CDKAL1: variants seen among roughly 807,000 people sequenced by gnomAD.
CDKAL1 encodes threonylcarbamoyladenosine tRNA methylthiotransferase.
Under a neutral mutation model 68.2 loss-of-function variants are expected in CDKAL1, and 32 were observed. That is an observed-to-expected ratio of 0.47 (90% CI 0.35 to 0.63). The LOEUF is 0.63. Ranked by LOEUF, CDKAL1 falls within the 30% of genes least tolerant of loss-of-function variation. The pLI is 0.00. For missense variants in CDKAL1, 606 were observed against 696.7 expected, an observed-to-expected ratio of 0.87 and a Z score of 1.47; for synonymous variants, 234 against 244.3, an observed-to-expected ratio of 0.96 and a Z score of 0.39.
At chr6:20,758,032 G>A (rs1455571874) in intron 6 of CDKAL1, among the ~76,000 whole-genome samples, 1 of 152,036 alleles carries the variant, frequency 6.6e-6, no homozygotes, top group African/African-American at 2.4e-5. Flanking sequence ...TTTCCTCTGT[G>A]TTCCCATGGC....
rs968575060 is a variant in CDKAL1, at chr6:20,563,945, C to T, written c.286+15240C>T. On this transcript the variant is annotated intron_variant, in intron 4 of 15. Transcript: ENST00000274695. ...ATGAATTAATGTTGGAATGTAAAAACGAGCAATTTTAAGCCAGCGATGGCT... is the reference window on the plus strand; with the variant it reads ...ATGAATTAATGTTGGAATGTAAAAATGAGCAATTTTAAGCCAGCGATGGCT... 5.9e-5 allele frequency among the ~76,000 whole-genome samples: 9 copies of T among 152,058 alleles called. No individual in the cohort carries two copies. The South Asian group carries it at 6.2e-4, about 10-fold the overall frequency.
At chr6:20,986,996 G>A (rs937760591) in intron 10 of CDKAL1, among the ~76,000 whole-genome samples, 16 of 152,186 alleles carry the variant, frequency 1.1e-4, no homozygotes, top group Admixed American at 3.9e-4. Flanking sequence ...AAAATAGGAA[G>A]TATTTTGACC....
intron 8 of CDKAL1, among the ~76,000 whole-genome samples, chr6:20,845,463 T>C (rs954191686): frequency 6.6e-5 from 10 of 152,108 alleles, no homozygotes; most frequent in Admixed American, 5.9e-4. Flanking sequence ...TTAAAGCTAG[T>C]ATTGCCATTC....
At chr6:21,164,472 C>T (rs1459173820) in intron 13 of CDKAL1, among the ~76,000 whole-genome samples, 1 of 150,566 alleles carries the variant, frequency 6.6e-6, no homozygotes, top group Non-Finnish European at 1.5e-5. Flanking sequence ...AGTCCAGGTG[C>T]TTCAACCATA....
chr6:20,549,988 T>TAA (rs1763754480), intron 4 of CDKAL1, among the ~76,000 whole-genome samples: 2 of 151,950 alleles, frequency 1.3e-5, no homozygotes, highest in African/African-American at 4.8e-5. Flanking sequence ...TAATTAAATT[T>TAA]TTTTTTTTTA....
intron 4 of CDKAL1, among the ~76,000 whole-genome samples, chr6:20,583,582 A>C (rs1179971536): frequency 6.6e-6 from 1 of 152,152 alleles, no homozygotes; most frequent in Non-Finnish European, 1.5e-5. Context: ...TGGTGGTAGA[A>C]CGTTTCCAGG....
intron 12 of CDKAL1, among the ~76,000 whole-genome samples, chr6:21,084,854 A>G (rs1298779358): frequency 6.6e-6 from 1 of 152,236 alleles, no homozygotes; most frequent in Non-Finnish European, 1.5e-5. Context: ...TTCCCAACTA[A>G]CTTGACATTA....
At chr6:20,767,405 A>G (rs1325940799) in intron 7 of CDKAL1, among the ~76,000 whole-genome samples, 1 of 152,160 alleles carries the variant, frequency 6.6e-6, no homozygotes, top group Non-Finnish European at 1.5e-5. Context: ...AAACCAGGTC[A>G]TGTTAGAAAT....
intron 14 of CDKAL1, among the ~76,000 whole-genome samples, chr6:21,199,601 T>C (rs897646790): frequency 6.6e-6 from 1 of 152,144 alleles, no homozygotes; most frequent in Non-Finnish European, 1.5e-5. Context: ...GTTAGCTGCT[T>C]CCTCCAATTT....
At chr6:20,868,495 G>T (rs1406425183) in intron 9 of CDKAL1, among the ~76,000 whole-genome samples, 1 of 152,210 alleles carries the variant, frequency 6.6e-6, no homozygotes, top group Non-Finnish European at 1.5e-5. Context: ...TACAATTAAT[G>T]CAGGCATCTG....
chr6:20,630,501 CTT>C (rs11327958), intron 4 of CDKAL1, among the ~76,000 whole-genome samples: 5,928 of 149,810 alleles, frequency 0.04, 359 homozygotes, highest in African/African-American at 0.13. Context: ...GCTTTTTCAC[CTT>C]TTTTTTTTTC....
At chr6:20,856,825 A>G (rs994468595) in intron 9 of CDKAL1, among the ~76,000 whole-genome samples, 7 of 152,206 alleles carry the variant, frequency 4.6e-5, no homozygotes, top group African/African-American at 1.4e-4. Flanking sequence ...TGATACTGCT[A>G]CCTGGTGGTT....
chr6:21,109,989 C>G (rs1474279338), intron 13 of CDKAL1, among the ~76,000 whole-genome samples: 3 of 152,218 alleles, frequency 2.0e-5, no homozygotes, highest in African/African-American at 7.2e-5. Flanking sequence ...CTCCTCATAT[C>G]CTTTGTGGCA....
intron 5 of CDKAL1, among the ~76,000 whole-genome samples, chr6:20,652,225 G>T (rs963426739): frequency 6.6e-6 from 1 of 152,066 alleles, no homozygotes; most frequent in African/African-American, 2.4e-5. Flanking sequence ...TTAGCTAATA[G>T]GTGATTTTTG....
At chr6:20,580,772 A>G (rs1179500829) in intron 4 of CDKAL1, among the ~76,000 whole-genome samples, 1 of 151,168 alleles carries the variant, frequency 6.6e-6, no homozygotes, top group Non-Finnish European at 1.5e-5. Context: ...ACTCATGGTT[A>G]GGTTGGTTTC....
At chr6:20,694,905 G>A (rs913088254) in intron 5 of CDKAL1, among the ~76,000 whole-genome samples, 1 of 152,038 alleles carries the variant, frequency 6.6e-6, no homozygotes, top group East Asian at 1.9e-4. Flanking sequence ...AAAACAGCCT[G>A]GTACCCCCAC....
chr6:20,708,542 G>T (rs921509229), intron 5 of CDKAL1, among the ~76,000 whole-genome samples: 2 of 152,134 alleles, frequency 1.3e-5, no homozygotes, highest in Non-Finnish European at 2.9e-5. Context: ...GACGTGGGCT[G>T]GGAACTTTGG....
At chr6:21,225,280 G>A (rs978734590) in intron 15 of CDKAL1, among the ~76,000 whole-genome samples, 5 of 152,100 alleles carry the variant, frequency 3.3e-5, no homozygotes, top group African/African-American at 7.2e-5. Flanking sequence ...AGGCAGGGGC[G>A]GGTGATGGTT....
chr6:21,002,221 C>T (rs143200146), intron 11 of CDKAL1, among the ~76,000 whole-genome samples: 124 of 152,230 alleles, frequency 8.1e-4, no homozygotes, highest in African/African-American at 2.9e-3. Context: ...TGGGTCCTTT[C>T]GTTGGATTCT....
Sources: allele counts gnomAD v4.1 joint callset (sites outside exome capture counted in the v4.1 genomes callset), GRCh38; gene constraint gnomAD v4.1.1; transcripts MANE v1.5; gene names NCBI Gene and HGNC (gene_info 2026-07-23, HGNC 2026-07-21).